The following CDH20 variants were observed in gnomAD, a reference collection of about 807,000 sequenced individuals.
CDH20 encodes the protein cadherin 20.
A neutral mutation model predicts 74.2 loss-of-function variants in CDH20; 29 were observed. The observed-to-expected ratio is 0.39, with a 90% CI of 0.29 to 0.53. The LOEUF (loss-of-function observed/expected upper bound fraction) is 0.53, where lower values mean the gene tolerates loss of function less well. Ranked by LOEUF, CDH20 falls within the 20% of genes least tolerant of loss-of-function variation. The pLI is 0.69. For synonymous variants in CDH20, 469 were observed against 405.4 expected, an observed-to-expected ratio of 1.16 and a Z score of -1.88; for missense variants, 988 against 1,048.3, an observed-to-expected ratio of 0.94 and a Z score of 0.79.
chr18:61,410,230 C>T (rs1912452102), intron 1 of CDH20, among the ~76,000 whole-genome samples: 1 of 152,072 alleles, frequency 6.6e-6, no homozygotes, highest in African/African-American at 2.4e-5. Context: ...AACATGAGCA[C>T]ATTAAACTGA....
intron 6 of CDH20, among the ~76,000 whole-genome samples, chr18:61,513,831 A>C (rs1777926392): frequency 6.6e-6 from 1 of 151,678 alleles, no homozygotes; most frequent in Non-Finnish European, 1.5e-5. Context: ...ATTGGCCCCC[A>C]CTCTCTTCTG....
intron 1 of CDH20, among the ~76,000 whole-genome samples, chr18:61,423,723 C>G (rs1912971794): frequency 6.6e-6 from 1 of 152,130 alleles, no homozygotes; most frequent in South Asian, 2.1e-4. Flanking sequence ...AAATTCAAAG[C>G]TTTTTGAACT....
intron 10 of CDH20, 22 bp from the exon 11 acceptor site, chr18:61,549,956 C>T: frequency 6.2e-7 from 1 of 1,602,824 alleles, no homozygotes; most frequent in East Asian, 2.2e-5. Flanking sequence ...TTTTCCAATC[C>T]TGGAACCCCT....
At chr18:61,435,854 TCAC>T (rs759186195) in intron 1 of CDH20, among the ~76,000 whole-genome samples, 22 of 152,090 alleles carry the variant, frequency 1.4e-4, no homozygotes, top group Admixed American at 8.5e-4. Flanking sequence ...TGTGTAACAA[TCAC>T]CACAATTAAT....
At chr18:61,446,984 T>C (rs1379332143) in intron 1 of CDH20, among the ~76,000 whole-genome samples, 1 of 152,182 alleles carries the variant, frequency 6.6e-6, no homozygotes, top group East Asian at 1.9e-4. Context: ...ATCCAACGTT[T>C]TTCAATCTGC....
chr18:61,469,404 C>T (rs920911768), intron 1 of CDH20, among the ~76,000 whole-genome samples: 6 of 145,912 alleles, frequency 4.1e-5, no homozygotes, highest in Admixed American at 6.9e-5. Flanking sequence ...CACACACACA[C>T]CCCTATATAA....
chr18:61,433,892 C>T (rs1038852323), intron 1 of CDH20, among the ~76,000 whole-genome samples: 1 of 152,104 alleles, frequency 6.6e-6, no homozygotes, highest in East Asian at 1.9e-4. Flanking sequence ...TCTGTTTACT[C>T]TCAGAAAACA....
intron 1 of CDH20, among the ~76,000 whole-genome samples, chr18:61,424,582 G>A (rs998652532): frequency 2.6e-5 from 4 of 152,148 alleles, no homozygotes; most frequent in Non-Finnish European, 4.4e-5. Flanking sequence ...CATCCATCTA[G>A]AATTTGTATG....
intron 1 of CDH20, among the ~76,000 whole-genome samples, chr18:61,369,068 T>A (rs1910948274): frequency 6.6e-6 from 1 of 151,864 alleles, no homozygotes; most frequent in Non-Finnish European, 1.5e-5. Flanking sequence ...GATTTGGGAT[T>A]TGGGTTCAAA....
intron 1 of CDH20, among the ~76,000 whole-genome samples, chr18:61,486,432 G>A (rs896004704): frequency 6.6e-6 from 1 of 152,130 alleles, no homozygotes; most frequent in Non-Finnish European, 1.5e-5. Flanking sequence ...GTGACCACCT[G>A]TGTCATTCTC....
chr18:61,447,367 T>C (rs1392369518), intron 1 of CDH20, among the ~76,000 whole-genome samples: 2 of 152,188 alleles, frequency 1.3e-5, no homozygotes, highest in Admixed American at 6.5e-5. Flanking sequence ...TTGGAGTTTA[T>C]AATCCCCCTA....
intron 1 of CDH20, among the ~76,000 whole-genome samples, chr18:61,376,018 T>C (rs1911216638): frequency 1.3e-5 from 2 of 152,148 alleles, no homozygotes; most frequent in African/African-American, 4.8e-5. Flanking sequence ...AACCTAATAG[T>C]ACATTGACTG....
In CDH20 at chr18:61,554,746, G is replaced by T; in HGVS notation, c.*51G>T. Reference sequence around the variant, plus strand: ...CCAAATCCAGACGTTCTCCGCGGGTGCTTCGCGGACAAGGTGCAGCCAACC... The same window carrying T: ...CCAAATCCAGACGTTCTCCGCGGGTTCTTCGCGGACAAGGTGCAGCCAACC... On this transcript the variant is annotated 3_prime_UTR_variant, in exon 12 of 12. Coordinates refer to ENST00000262717, the MANE Select transcript of CDH20 (RefSeq NM_031891.4). 6.7e-7 allele frequency: 1 copy of T among 1,485,154 alleles called. No individual in the cohort carries two copies. The highest frequency in any genetic ancestry group is 8.9e-7 in the Non-Finnish European group (1 of 1,117,556). The allele number at this position is 1,485,154 out of a possible 1,614,324, so 92.0% of individuals were successfully genotyped here.
At chr18:61,442,898 A>AT (rs1251021604) in intron 1 of CDH20, among the ~76,000 whole-genome samples, 1 of 80,634 alleles carries the variant, frequency 1.2e-5, no homozygotes, top group Non-Finnish European at 2.5e-5. Flanking sequence ...TAAAGATCTA[A>AT]TTCCCCGGGA....
rs973247262 is a variant in CDH20 at position 61,410,893 on chromosome 18, T to C, written c.-153+77066T>C. ...ATGAAGAAAATGACTGAATTTGTAC[T>C]GCAATTAAAAATATGTATAAGGCGG... On this transcript the variant is annotated intron_variant, in intron 1 of 11. Transcript: ENST00000262717. Among the ~76,000 whole-genome samples, 13 of 152,200 alleles carry C rather than the reference T, an allele frequency of 8.5e-5. No individual in the cohort carries two copies. In the South Asian group the frequency reaches 1.0e-3, roughly 12 times the overall value.
intron 1 of CDH20, among the ~76,000 whole-genome samples, chr18:61,463,269 C>A (rs568955187): frequency 6.6e-6 from 1 of 152,136 alleles, no homozygotes; most frequent in African/African-American, 2.4e-5. Flanking sequence ...CTCCTCACCC[C>A]ATCCCGGTAT....
At chr18:61,391,059 C>T (rs144651037) in intron 1 of CDH20, among the ~76,000 whole-genome samples, 44 of 152,062 alleles carry the variant, frequency 2.9e-4, no homozygotes, top group African/African-American at 9.6e-4. Context: ...AAAAGGCGAA[C>T]AAAAATCTAG....
At chr18:61,373,139 G>C (rs1409936633) in intron 1 of CDH20, among the ~76,000 whole-genome samples, 1 of 151,732 alleles carries the variant, frequency 6.6e-6, no homozygotes, top group Non-Finnish European at 1.5e-5. Context: ...TACACAGATG[G>C]CATGTGAATG....
chr18:61,443,851 G>A (rs1015697386), intron 1 of CDH20, among the ~76,000 whole-genome samples: 8 of 152,086 alleles, frequency 5.3e-5, no homozygotes, highest in Non-Finnish European at 1.0e-4. Context: ...AACAGACCAT[G>A]TTGGGGACAG....
Sources: allele counts gnomAD v4.1 joint callset (sites outside exome capture counted in the v4.1 genomes callset), GRCh38; gene constraint gnomAD v4.1.1; transcripts MANE v1.5; gene names NCBI Gene and HGNC (gene_info 2026-07-23, HGNC 2026-07-21).